The following STAU1 variants were observed in gnomAD, a reference collection of about 807,000 sequenced individuals.
STAU1 encodes the protein staufen double-stranded RNA binding protein 1, also known as double-stranded RNA-binding protein Staufen homolog 1.
A neutral mutation model predicts 62.9 loss-of-function variants in STAU1; 13 were observed. The observed-to-expected ratio is 0.21, with a 90% CI of 0.13 to 0.33. STAU1 has a LOEUF of 0.33. STAU1 is among the 10% of genes least tolerant of loss of function. The pLI is 1.00. For synonymous variants in STAU1, 269 were observed against 265.1 expected, an observed-to-expected ratio of 1.01 and a Z score of -0.14; for missense variants, 571 against 712.1, an observed-to-expected ratio of 0.80 and a Z score of 2.25.
chr20:49,200,570 C>T, the STAU1 span, among the ~76,000 whole-genome samples: 2 of 151,370 alleles, frequency 1.3e-5, no homozygotes, highest in African/African-American at 2.4e-5. Flanking sequence ...CACTGCACTC[C>T]AGCCTGGGCG....
At chr20:49,204,227 A>G in the STAU1 span, among the ~76,000 whole-genome samples, 1 of 151,606 alleles carries the variant, frequency 6.6e-6, no homozygotes, top group East Asian at 1.9e-4. Context: ...AGGCTTAAGC[A>G]ATCCTCCCAC....
intron 5 of STAU1, among the ~76,000 whole-genome samples, chr20:49,146,547 C>G (rs946531400): frequency 3.3e-5 from 5 of 151,744 alleles, no homozygotes; most frequent in African/African-American, 1.2e-4. Flanking sequence ...ACAAAAAATA[C>G]AAAAATTAAC....
At chr20:49,199,539 T>G in the STAU1 span, among the ~76,000 whole-genome samples, 4 of 151,552 alleles carry the variant, frequency 2.6e-5, no homozygotes, top group Non-Finnish European at 5.9e-5. Flanking sequence ...ATGTTTATTT[T>G]ATTCTTTATT....
chr20:49,127,174 G>GA lies in STAU1; in HGVS notation c.610-2588dup, dbSNP rs199860593. On this transcript the variant is annotated intron_variant, in intron 6 of 13. Transcript: ENST00000371856. ...TCGAGATCAGCCTGGCCAACATAGT[G>GA]AAACCCCGTCTCTACTAAAAATATA... Among the ~76,000 whole-genome samples the GA allele has an allele frequency of 2.0e-3, 304 of 152,102 alleles. 1 individual carries two copies. The highest frequency in any genetic ancestry group is 7.0e-3 in the African/African-American group (289 of 41,496).
intron 12 of STAU1, among the ~76,000 whole-genome samples, chr20:49,116,821 G>A (rs77576712): frequency 2.6e-5 from 4 of 152,140 alleles, no homozygotes; most frequent in Non-Finnish European, 5.9e-5. Context: ...CCTTGTTCTG[G>A]TGAGAGATGA....
chr20:49,114,706 G>A lies in STAU1; in HGVS notation c.*172C>T, dbSNP rs41283564. 5.2e-5 allele frequency: 35 copies of A among 677,762 alleles called. No homozygotes were observed. The highest frequency in any genetic ancestry group is 9.1e-5 in the South Asian group (5 of 55,238). The allele number at this position is 677,762 out of a possible 1,614,324, so 42.0% of individuals were successfully genotyped here. ...AACAAACCCCAGCACAGTCCAGCCC[G>A]GCCACAGCCGCCTCCTTGTGTTTCT... is the stretch of plus-strand genomic sequence containing the variant. On this transcript the variant is annotated 3_prime_UTR_variant, in exon 14 of 14. Transcript: ENST00000371856.
At chr20:49,153,847 C>A in intron 4 of STAU1, 86 bp downstream of exon 4, 1 of 1,384,676 alleles carries the variant, frequency 7.2e-7, no homozygotes, top group African/African-American at 1.5e-5. Flanking sequence ...ATTACTCCCT[C>A]CACAATCTAG....
chr20:49,170,314 G>A (rs2093581069), intron 2 of STAU1, among the ~76,000 whole-genome samples: 1 of 152,198 alleles, frequency 6.6e-6, no homozygotes, highest in African/African-American at 2.4e-5. Context: ...CTTACAGACT[G>A]TTAAATCTTT....
Position 49,117,050 on chromosome 20 carries a change from C to T in STAU1, c.1632+76G>A. The T allele has an allele frequency of 6.3e-7, 1 of 1,576,534 alleles. No individual in the cohort carries two copies. The highest frequency in any genetic ancestry group is 8.7e-7 in the Non-Finnish European group (1 of 1,155,026). ...CAATCTTTCTCCCATCTTCCTCAGG[C>T]TAGTAACAAGCTGAACCAAGGCAGG... On this transcript the variant is annotated intron_variant, in intron 12 of 13. Coordinates refer to ENST00000371856, the MANE Select transcript of STAU1 (RefSeq NM_017453.4). This position sits in a 1 kb window ranked among gnomAD's most constrained non-coding sequence, Gnocchi z 4.6.
chr20:49,170,312 C>T (rs2093581028), intron 2 of STAU1, among the ~76,000 whole-genome samples: 1 of 152,206 alleles, frequency 6.6e-6, no homozygotes, highest in African/African-American at 2.4e-5. Flanking sequence ...AACTTACAGA[C>T]TGTTAAATCT....
chr20:49,134,773 G>T, intron 6 of STAU1: 1 of 1,181,012 alleles, frequency 8.5e-7, no homozygotes, highest in Non-Finnish European at 1.3e-6. Context: ...TGTATACACT[G>T]GGAATCATTA....
chr20:49,138,479 T>C (rs2092938580), intron 5 of STAU1, among the ~76,000 whole-genome samples: 1 of 152,182 alleles, frequency 6.6e-6, no homozygotes, highest in Admixed American at 6.6e-5. Flanking sequence ...ATAGCACTTG[T>C]GGTGGTTTAT....
At chr20:49,147,683 A>C (rs528376087) in intron 5 of STAU1, among the ~76,000 whole-genome samples, 79 of 152,362 alleles carry the variant, frequency 5.2e-4, no homozygotes, top group African/African-American at 1.9e-3. Flanking sequence ...TAAGAGGGAA[A>C]ATGCAAACAA....
intron 5 of STAU1, among the ~76,000 whole-genome samples, chr20:49,147,600 G>C: frequency 6.6e-6 from 1 of 152,220 alleles, no homozygotes; most frequent in East Asian, 1.9e-4. Flanking sequence ...CATACCCGCT[G>C]GTTCAGCAAT....
chr20:49,165,936 A>C, intron 3 of STAU1, 61 bp downstream of exon 3: 2 of 1,560,798 alleles, frequency 1.3e-6, no homozygotes, highest in Non-Finnish European at 1.8e-6. Context: ...GCAACCTATC[A>C]GATCAGAAAA....
the STAU1 span, among the ~76,000 whole-genome samples, chr20:49,201,306 A>G: frequency 6.6e-6 from 1 of 152,112 alleles, no homozygotes; most frequent in Admixed American, 6.6e-5. Context: ...GTGACAAACT[A>G]ATGTCATTGA....
chr20:49,114,597 G>GCGCCGTATCATTAA lies in STAU1; in HGVS notation c.*280_*281insTTAATGATACGGCG. Reference sequence around the variant, plus strand: ...GGGTGTGGATCTGCTGGTGTCCCGGGAGAACCAGCTGGCTGGGCAGCCCTT... The same window carrying GCGCCGTATCATTAA: ...GGGTGTGGATCTGCTGGTGTCCCGGGCGCCGTATCATTAAAGAACCAGCTGGCTGGGCAGCCCTT... On this transcript the variant is annotated 3_prime_UTR_variant, in exon 14 of 14. Coordinates refer to ENST00000371856, the MANE Select transcript of STAU1 (RefSeq NM_017453.4). 1 of 423,512 alleles carries GCGCCGTATCATTAA rather than the reference G, an allele frequency of 2.4e-6. No homozygotes were observed. The highest frequency in any genetic ancestry group is 4.3e-6 in the Non-Finnish European group (1 of 235,054). The allele number at this position is 423,512 out of a possible 1,614,324, so 26.2% of individuals were successfully genotyped here. A position where few individuals can be genotyped will look rare whatever the true frequency, so the allele number is the denominator to read the frequency against.
rs1299489657 is a variant in STAU1 at position 49,129,271 on chromosome 20, TAA to T, written c.610-4686_610-4685del. ...TACTGACTACCTGCTAGAATGACTTTAAAAAAAAATTTTTTTTTTTTTTTTTT... is the reference window on the plus strand; with the variant it reads ...TACTGACTACCTGCTAGAATGACTTTAAAAAAATTTTTTTTTTTTTTTTTT... On this transcript the variant is annotated intron_variant, in intron 6 of 13. Coordinates refer to ENST00000371856, the MANE Select transcript of STAU1 (RefSeq NM_017453.4). Among the ~76,000 whole-genome samples, 1,276 of 131,194 alleles carry T rather than the reference TAA, an allele frequency of 9.7e-3. 33 individuals are homozygous for T. The highest frequency in any genetic ancestry group is 0.035 in the African/African-American group (1,214 of 34,612). The allele number at this position is 131,194 out of a possible 152,430, so 86.1% of individuals were successfully genotyped here.
chr20:49,117,271 G>A lies in STAU1; in HGVS notation c.1510-23C>T, dbSNP rs973271742. 8 of 1,613,108 alleles carry A rather than the reference G, an allele frequency of 5.0e-6. No individual in the cohort carries two copies. The highest frequency in any genetic ancestry group is 1.3e-5 in the African/African-American group (1 of 74,922). On this transcript the variant is annotated intron_variant, in intron 11 of 13. Coordinates refer to ENST00000371856, the MANE Select transcript of STAU1 (RefSeq NM_017453.4). This position sits in a 1 kb window ranked among gnomAD's most constrained non-coding sequence, Gnocchi z 4.6. ...AACCTAAGGGGGAAAAGAGAGCTGA[G>A]GCTAGGTAGGGAACAGCAAGTATGA... is the stretch of plus-strand genomic sequence containing the variant.
Sources: allele counts gnomAD v4.1 joint callset (sites outside exome capture counted in the v4.1 genomes callset), GRCh38; gene constraint gnomAD v4.1.1; non-coding constraint Gnocchi (gnomAD v3.1); transcripts MANE v1.5; gene names NCBI Gene and HGNC (gene_info 2026-07-23, HGNC 2026-07-21).